Variants in MAPT observed in about 807,000 individuals in gnomAD.
The protein encoded by MAPT is microtubule-associated protein tau.
A neutral mutation model predicts 67.9 loss-of-function variants in MAPT; 34 were observed. That is an observed-to-expected ratio of 0.50 (90% CI 0.38 to 0.67). MAPT has a LOEUF of 0.67. MAPT is among the 30% of genes least tolerant of loss of function. The pLI is 0.00. For synonymous variants in MAPT, 456 were observed against 464.5 expected, an observed-to-expected ratio of 0.98 and a Z score of 0.23; for missense variants, 881 against 1,115.2, an observed-to-expected ratio of 0.79 and a Z score of 2.99.
chr17:45,926,042 C>A (rs753107229), intron 1 of MAPT, among the ~76,000 whole-genome samples: 20 of 152,032 alleles, frequency 1.3e-4, no homozygotes, highest in Non-Finnish European at 2.8e-4. Context: ...GAAACCCCAT[C>A]TCTACTAAAA....
At chr17:45,962,184 G>A (rs1466052004) in intron 1 of MAPT, 137 bp from the exon 2 acceptor site, 9 of 694,202 alleles carry the variant, frequency 1.3e-5, no homozygotes, top group South Asian at 3.6e-5. Flanking sequence ...GAGGATGGGC[G>A]GCCAACTGTT....
intron 1 of MAPT, among the ~76,000 whole-genome samples, chr17:45,952,915 G>A (rs958196018): frequency 8.5e-5 from 13 of 152,136 alleles, no homozygotes; most frequent in Admixed American, 5.9e-4. Context: ...GAGGGGCAGC[G>A]GAGCATCACT....
intron 1 of MAPT, 112 bp downstream of exon 1, chr17:45,894,798 T>C (rs1302476509): frequency 1.3e-5 from 2 of 152,328 alleles, no homozygotes; most frequent in African/African-American, 4.8e-5. Flanking sequence ...CGGGCATCGG[T>C]CGGGGCCACC....
At position 46,010,281 on chromosome 17, in the gene MAPT, T is replaced by C; in HGVS notation, c.1999-29T>C. ...AAGCAGGCGGGTCCAGGGTGGCGTG[T>C]CACTCATCCTTTTTTCTGGCTACCA... On this transcript the variant is annotated intron_variant, in intron 9 of 12. Coordinates refer to ENST00000262410, the MANE Select transcript of MAPT (RefSeq NM_001377265.1). This position sits in a 1 kb window ranked among gnomAD's most constrained non-coding sequence, Gnocchi z 4.7. 1 of 1,483,238 alleles carries C rather than the reference T, an allele frequency of 6.7e-7. No homozygotes were observed. The highest frequency in any genetic ancestry group is 9.2e-7 in the Non-Finnish European group (1 of 1,084,628). The allele number at this position is 1,483,238 out of a possible 1,614,324, so 91.9% of individuals were successfully genotyped here.
intron 9 of MAPT, chr17:45,999,704 A>G: frequency 2.6e-6 from 4 of 1,512,656 alleles, no homozygotes; most frequent in Non-Finnish European, 3.6e-6. Flanking sequence ...TGACGTCACC[A>G]TGCTGGGTGG....
chr17:45,972,212 T>C (rs1435196765), intron 3 of MAPT: 2 of 634,856 alleles, frequency 3.2e-6, no homozygotes, highest in Non-Finnish European at 5.8e-6. Flanking sequence ...CCCCGCTCCA[T>C]ACGATTGTCC....
rs1254513618 is a variant in MAPT at position 46,014,882 on chromosome 17, C to CAAAAAAAAA, written c.2173+561_2173+569dup. Among the ~76,000 whole-genome samples the CAAAAAAAAA allele has an allele frequency of 1.3e-4, 16 of 127,532 alleles. 2 individuals are homozygous for CAAAAAAAAA. The highest frequency in any genetic ancestry group is 2.4e-4 in the Non-Finnish European group (14 of 58,778). 83.7% of individuals were successfully genotyped at this position (127,532 alleles called of 152,430 possible). A position where few individuals can be genotyped will look rare whatever the true frequency, so the allele number is the denominator to read the frequency against. ...TGGGCGACAGAGCGAGACTCCGTCTCAAAAAAAAAAAGCACATGTTCTCGC... is the reference window on the plus strand; with the variant it reads ...TGGGCGACAGAGCGAGACTCCGTCTCAAAAAAAAAAAAAAAAAAAAGCACATGTTCTCGC... On this transcript the variant is annotated intron_variant, in intron 11 of 12. Transcript: ENST00000262410.
At chr17:45,910,134 G>A (rs2064657211) in intron 1 of MAPT, among the ~76,000 whole-genome samples, 1 of 152,182 alleles carries the variant, frequency 6.6e-6, no homozygotes, top group Non-Finnish European at 1.5e-5. Context: ...TGGGGGCACT[G>A]GAAACACACA....
intron 4 of MAPT, among the ~76,000 whole-genome samples, chr17:45,982,284 T>C (rs961348788): frequency 1.5e-5 from 2 of 129,736 alleles, no homozygotes; most frequent in African/African-American, 6.0e-5. Context: ...ATCGTGCCAC[T>C]GTACTCCAGC....
chr17:45,900,764 C>CCTGCTCA (rs2063561863), intron 1 of MAPT, among the ~76,000 whole-genome samples: 1 of 152,178 alleles, frequency 6.6e-6, no homozygotes, highest in Non-Finnish European at 1.5e-5. Flanking sequence ...ATCCCAGCTC[C>CCTGCTCA]CTGCTCACTG....
intron 1 of MAPT, among the ~76,000 whole-genome samples, chr17:45,928,290 C>G (rs2066543374): frequency 6.6e-6 from 1 of 152,158 alleles, no homozygotes; most frequent in African/African-American, 2.4e-5. Context: ...ATATACTATT[C>G]CCCTGGAATG....
chr17:45,951,227 A>G (rs940270899), intron 1 of MAPT, among the ~76,000 whole-genome samples: 3 of 152,228 alleles, frequency 2.0e-5, no homozygotes, highest in Admixed American at 6.5e-5. Context: ...GCAGCTGTCT[A>G]TGAGGTCCAG....
intron 1 of MAPT, among the ~76,000 whole-genome samples, chr17:45,910,414 A>G (rs995518627): frequency 1.4e-4 from 22 of 151,916 alleles, no homozygotes; most frequent in African/African-American, 4.8e-4. Flanking sequence ...GGGGATTCGA[A>G]CCCAGGATTT....
At chr17:45,912,832 A>C (rs959823847) in intron 1 of MAPT, among the ~76,000 whole-genome samples, 1 of 152,214 alleles carries the variant, frequency 6.6e-6, no homozygotes, top group African/African-American at 2.4e-5. Flanking sequence ...TCCCAGGCCC[A>C]AAGAAAGAGG....
chr17:45,990,089 C>T lies in MAPT; in HGVS notation c.1605+14C>T. The T allele has an allele frequency of 6.2e-7, 1 of 1,612,874 alleles. No individual in the cohort carries two copies. The highest frequency in any genetic ancestry group is 1.1e-5 in the South Asian group (1 of 91,066). ...ATGAAACTCAAGGTAAGGAAACCACCTTTGAAAAGAACCAGGCTGCTCTGC... is the reference window on the plus strand; with the variant it reads ...ATGAAACTCAAGGTAAGGAAACCACTTTTGAAAAGAACCAGGCTGCTCTGC... On this transcript the variant is annotated intron_variant, in intron 7 of 12. Transcript: ENST00000262410.
intron 1 of MAPT, among the ~76,000 whole-genome samples, chr17:45,961,877 T>C (rs1228961503): frequency 1.3e-5 from 2 of 151,754 alleles, no homozygotes; most frequent in African/African-American, 2.4e-5. Flanking sequence ...CCAGGTTCAA[T>C]TGATTCTCCT....
At chr17:45,997,717 G>A (rs1242931913) in intron 9 of MAPT, among the ~76,000 whole-genome samples, 3 of 152,168 alleles carry the variant, frequency 2.0e-5, no homozygotes, top group African/African-American at 7.2e-5. Flanking sequence ...CCGAGATAGT[G>A]CCACTGCACT....
At position 46,024,433 on chromosome 17, in the gene MAPT, A is replaced by C; in HGVS notation, c.*262A>C. 2.0e-5 allele frequency: 11 copies of C among 552,636 alleles called. No homozygotes were observed. Among genetic ancestry groups the C allele is most frequent in the East Asian group, 3.1e-5 (1 of 32,326 alleles). 34.2% of individuals were successfully genotyped at this position (552,636 alleles called of 1,614,324 possible). A position where few individuals can be genotyped will look rare whatever the true frequency, so the allele number is the denominator to read the frequency against. On this transcript the variant is annotated 3_prime_UTR_variant, in exon 13 of 13. Transcript: ENST00000262410. Reference sequence around the variant, plus strand: ...TATTTAAAAAAAAACATTCAAAAACATGGCCACATCCAACATTTCCTCAGG... The same window carrying C: ...TATTTAAAAAAAAACATTCAAAAACCTGGCCACATCCAACATTTCCTCAGG...
intron 5 of MAPT, among the ~76,000 whole-genome samples, chr17:45,985,088 G>C (rs1266233928): frequency 9.9e-5 from 15 of 152,198 alleles, no homozygotes; most frequent in Admixed American, 9.8e-4. Context: ...TGGATCATTT[G>C]AGGTTAGGAG....
Sources: gnomAD v4.1 joint callset for allele counts (sites outside exome capture counted in the v4.1 genomes callset) on GRCh38, gnomAD v4.1.1 for gene constraint, Gnocchi (gnomAD v3.1) non-coding constraint, MANE v1.5 for transcripts, NCBI Gene and HGNC (gene_info 2026-07-23, HGNC 2026-07-21) for gene names.